Variants in PRICKLE2 observed in about 807,000 individuals in gnomAD.
PRICKLE2 encodes the protein prickle planar cell polarity protein 2.
PRICKLE2 carries 21 observed loss-of-function variants against 81.4 expected under a neutral mutation model. The ratio of observed to expected loss-of-function variants is 0.26; its 90% CI spans 0.18 to 0.37. PRICKLE2 has a LOEUF of 0.37. PRICKLE2 is among the 10% of genes least tolerant of loss of function. PRICKLE2 has a pLI of 1.00. For synonymous variants in PRICKLE2, 456 were observed against 421.5 expected, an observed-to-expected ratio of 1.08 and a Z score of -1.00; for missense variants, 940 against 1,109.0, an observed-to-expected ratio of 0.85 and a Z score of 2.16.
intron 7 of PRICKLE2, among the ~76,000 whole-genome samples, chr3:64,126,200 TTTCTGGGGCTG>T (rs1559524659): frequency 2.6e-5 from 4 of 152,212 alleles, no homozygotes; most frequent in Non-Finnish European, 5.9e-5. Flanking sequence ...TCTGAAGCTT[TTTCTGGGGCTG>T]AAACAGTCTG....
chr3:64,135,698 A>T (rs1165826956), intron 7 of PRICKLE2, among the ~76,000 whole-genome samples: 10 of 494 alleles, frequency 0.02, no homozygotes, highest in African/African-American at 0.022. Context: ...CACAGATCAC[A>T]CACACACACA....
At chr3:64,261,227 C>T (rs562494765) in intron 2 of PRICKLE2, among the ~76,000 whole-genome samples, 1 of 151,978 alleles carries the variant, frequency 6.6e-6, no homozygotes. Flanking sequence ...TCTACAACCC[C>T]CAGGAAGTAA....
chr3:64,196,892 A>G (rs927360676), intron 2 of PRICKLE2, among the ~76,000 whole-genome samples: 1 of 152,242 alleles, frequency 6.6e-6, no homozygotes, highest in African/African-American at 2.4e-5. Context: ...GAGATTCCAG[A>G]TCTTCAAAAT....
intron 7 of PRICKLE2, among the ~76,000 whole-genome samples, chr3:64,143,945 G>C (rs1298368456): frequency 7.3e-6 from 1 of 136,144 alleles, no homozygotes; most frequent in African/African-American, 2.5e-5. Context: ...AGTCACCAAG[G>C]CCTCATTTTT....
At chr3:64,163,298 T>C (rs1389674652) in intron 2 of PRICKLE2, 169 bp from the exon 3 acceptor site, 7 of 665,272 alleles carry the variant, frequency 1.1e-5, no homozygotes, top group South Asian at 6.5e-5. Context: ...GAGAAATTCA[T>C]CCTTAAAGCA....
At chr3:64,168,681 C>A (rs1216303211) in intron 2 of PRICKLE2, among the ~76,000 whole-genome samples, 2 of 152,176 alleles carry the variant, frequency 1.3e-5, no homozygotes, top group Non-Finnish European at 2.9e-5. Context: ...CTTCCCCATC[C>A]TCTCCTTCTG....
At chr3:64,180,984 T>C (rs944362280) in intron 2 of PRICKLE2, among the ~76,000 whole-genome samples, 1 of 152,202 alleles carries the variant, frequency 6.6e-6, no homozygotes, top group Non-Finnish European at 1.5e-5. Context: ...CTGTTTTTAA[T>C]AAGACAATCA....
chr3:64,115,603 G>A (rs1222667487), intron 7 of PRICKLE2, among the ~76,000 whole-genome samples: 1 of 152,048 alleles, frequency 6.6e-6, no homozygotes, highest in Non-Finnish European at 1.5e-5. Context: ...AGACAAAGAA[G>A]GGCATTATGT....
chr3:64,239,713 C>T (rs1234644544), intron 2 of PRICKLE2, among the ~76,000 whole-genome samples: 2 of 152,112 alleles, frequency 1.3e-5, no homozygotes, highest in Non-Finnish European at 2.9e-5. Context: ...TTGCTTATCA[C>T]AGATAAGAAA....
At chr3:64,110,595 ACT>A (rs2076827676) in intron 7 of PRICKLE2, among the ~76,000 whole-genome samples, 1 of 152,122 alleles carries the variant, frequency 6.6e-6, no homozygotes, top group Non-Finnish European at 1.5e-5. Flanking sequence ...CTGGAAAAGA[ACT>A]CTGTGTTGGT....
chr3:64,223,628 A>G (rs775936268), intron 1 of PRICKLE2, among the ~76,000 whole-genome samples: 1 of 152,240 alleles, frequency 6.6e-6, no homozygotes, highest in Non-Finnish European at 1.5e-5. Context: ...TAATTTTCAC[A>G]TGAAAAACAG....
chr3:64,267,294 T>C (rs2079726194), intron 2 of PRICKLE2, among the ~76,000 whole-genome samples: 1 of 152,114 alleles, frequency 6.6e-6, no homozygotes, highest in South Asian at 2.1e-4. Flanking sequence ...CCTACCCCAA[T>C]TCAGAAAGAA....
intron 7 of PRICKLE2, among the ~76,000 whole-genome samples, chr3:64,108,962 G>T (rs768780230): frequency 6.6e-6 from 1 of 152,060 alleles, no homozygotes; most frequent in Non-Finnish European, 1.5e-5. Flanking sequence ...TGACAGCCCC[G>T]AAATGTCTCC....
intron 5 of PRICKLE2, among the ~76,000 whole-genome samples, chr3:64,156,382 A>G (rs1370688083): frequency 6.6e-6 from 1 of 152,224 alleles, no homozygotes; most frequent in African/African-American, 2.4e-5. Flanking sequence ...ATTTACAGAG[A>G]AAGATAGATG....
At chr3:64,247,198 C>T (rs558358831) in intron 2 of PRICKLE2, among the ~76,000 whole-genome samples, 51 of 152,132 alleles carry the variant, frequency 3.4e-4, no homozygotes, top group African/African-American at 9.4e-4. Flanking sequence ...CCTGAATAGA[C>T]GACACATTTT....
chr3:64,239,083 C>G (rs1180475739), intron 2 of PRICKLE2, among the ~76,000 whole-genome samples: 1 of 152,170 alleles, frequency 6.6e-6, no homozygotes, highest in East Asian at 1.9e-4. Flanking sequence ...GATGTCAGAG[C>G]AGACTGCCTT....
Position 64,099,788 on chromosome 3 carries a change from G to C in PRICKLE2, c.1798C>G (p.Arg600Gly), listed in dbSNP as rs1431946218. ...MGTLNSSMQF[R>G]SAESVRSLLS... ...AGGCTGCGAACTGACTCTGCGCTCC[G>C]GAACTGCATGGACGAGTTAAGAGTG... is the stretch of plus-strand genomic sequence containing the variant. Residue 600 changes from arginine to glycine, a missense_variant, in exon 8 of 8, where the codon CGG (arginine) becomes GGG (glycine). Transcript: ENST00000638394. The surrounding 1 kb of genome is among the most constrained non-coding windows in gnomAD (Gnocchi z 4.3). The C allele has an allele frequency of 6.2e-7, 1 of 1,614,196 alleles. No homozygotes were observed. The highest frequency in any genetic ancestry group is 1.3e-5 in the African/African-American group (1 of 75,054).
chr3:64,227,154 T>C (rs2079043436), upstream of PRICKLE2, among the ~76,000 whole-genome samples: 1 of 152,234 alleles, frequency 6.6e-6, no homozygotes. Flanking sequence ...CCTTTCATGG[T>C]GAAAATCATG....
intron 2 of PRICKLE2, among the ~76,000 whole-genome samples, chr3:64,188,382 G>T (rs1370576381): frequency 6.6e-6 from 1 of 152,198 alleles, no homozygotes; most frequent in Non-Finnish European, 1.5e-5. Flanking sequence ...TTAGCCAACA[G>T]TAATGGCTCT....
Sources: allele counts gnomAD v4.1 joint callset (sites outside exome capture counted in the v4.1 genomes callset), GRCh38; gene constraint gnomAD v4.1.1; non-coding constraint Gnocchi (gnomAD v3.1); transcripts MANE v1.5; gene names NCBI Gene and HGNC (gene_info 2026-07-23, HGNC 2026-07-21).